GRM5: variants seen among roughly 807,000 people sequenced by gnomAD.
The protein encoded by GRM5 is glutamate metabotropic receptor 5.
A neutral mutation model predicts 83.1 loss-of-function variants in GRM5; 19 were observed. The observed-to-expected ratio is 0.23, with a 90% CI of 0.16 to 0.34. GRM5 has a LOEUF of 0.34. GRM5 is among the 10% of genes least tolerant of loss of function. The pLI is 1.00. For missense variants in GRM5, 1,160 were observed against 1,588.3 expected (o/e 0.73, Z 4.58); for synonymous variants, 675 against 633.6 (o/e 1.07, Z -0.98).
At position 88,595,437 on chromosome 11, in the gene GRM5, C is replaced by A. The variant is rs118035303; in HGVS notation, c.1563+1747G>T. ...TTCCTACCCTCTAGTATGCTCTGTT[C>A]TAATTTTTACTTCTGTGAGATCAAC... On this transcript the variant is annotated intron_variant, in intron 6 of 9. Transcript: ENST00000305447. 9.9e-3 allele frequency among the ~76,000 whole-genome samples: 1,502 copies of A among 152,144 alleles called. 19 individuals carry two copies. Among genetic ancestry groups the A allele is most frequent in the East Asian group, 0.073 (379 of 5,164 alleles).
At chr11:88,589,753 T>C (rs1937607970) in intron 7 of GRM5, among the ~76,000 whole-genome samples, 1 of 152,194 alleles carries the variant, frequency 6.6e-6, no homozygotes, top group Non-Finnish European at 1.5e-5. Flanking sequence ...TGCTCCTATG[T>C]CTATAAATCT....
At chr11:88,985,776 G>A (rs1221007309) in intron 2 of GRM5, among the ~76,000 whole-genome samples, 3 of 152,080 alleles carry the variant, frequency 2.0e-5, no homozygotes, top group African/African-American at 4.8e-5. Flanking sequence ...ATGCAAGTAT[G>A]CACATCAATC....
intron 4 of GRM5, among the ~76,000 whole-genome samples, chr11:88,630,724 A>G (rs937381644): frequency 2.0e-5 from 3 of 151,974 alleles, no homozygotes; most frequent in Non-Finnish European, 4.4e-5. Flanking sequence ...TGTTACAGGC[A>G]TGCACCACCA....
rs571209351 is a variant in GRM5, at chr11:88,820,763, T to C, written c.911+29143A>G. 1.4e-3 allele frequency among the ~76,000 whole-genome samples: 216 copies of C among 152,372 alleles called. 1 individual carries two copies. Among genetic ancestry groups the C allele is most frequent in the Non-Finnish European group, 2.4e-3 (165 of 68,038 alleles). ...TTGTTTTGTTATCATCTCACTTTCC[T>C]CTGTGAAACAGAATGAAGTATTTCT... is the stretch of plus-strand genomic sequence containing the variant. On this transcript the variant is annotated intron_variant, in intron 3 of 9. Coordinates refer to ENST00000305447, the MANE Select transcript of GRM5 (RefSeq NM_001143831.3).
chr11:88,951,176 A>T (rs1179583172), intron 2 of GRM5, among the ~76,000 whole-genome samples: 2 of 152,214 alleles, frequency 1.3e-5, no homozygotes, highest in East Asian at 3.8e-4. Context: ...GCTATGCAGG[A>T]AAAACTGTGC....
intron 1 of GRM5, among the ~76,000 whole-genome samples, chr11:89,052,683 A>T (rs7101540): frequency 0.91 from 138,530 of 152,150 alleles, 63,086 homozygotes; most frequent in East Asian, 0.92. Context: ...AAATTCAGAT[A>T]CAGAATCTTT....
intron 3 of GRM5, among the ~76,000 whole-genome samples, chr11:88,847,741 T>A (rs1007325407): frequency 3.9e-5 from 6 of 151,942 alleles, no homozygotes; most frequent in Admixed American, 3.9e-4. Flanking sequence ...AATGTGGGGA[T>A]AAAAAAAATC....
intron 3 of GRM5, among the ~76,000 whole-genome samples, chr11:88,728,134 A>C (rs10765717): frequency 0.58 from 88,413 of 151,760 alleles, 27,826 homozygotes; most frequent in South Asian, 0.8. Flanking sequence ...TACCCAGACT[A>C]ATAAAAAAGA....
intron 2 of GRM5, among the ~76,000 whole-genome samples, chr11:88,966,124 T>G (rs1938952558): frequency 6.6e-6 from 1 of 152,056 alleles, no homozygotes; most frequent in South Asian, 2.1e-4. Flanking sequence ...ACTTGGAAAT[T>G]AAACAACACA....
rs187447523 is a variant in GRM5, at chr11:88,725,473, A to T, written c.912-72070T>A. ...GTGGGCGCAGCTTCAGCAGACTTAAATGTTCCTGGCTGCCAGCTGTGAATA... is the reference window on the plus strand; with the variant it reads ...GTGGGCGCAGCTTCAGCAGACTTAATTGTTCCTGGCTGCCAGCTGTGAATA... On this transcript the variant is annotated intron_variant, in intron 3 of 9. Transcript: ENST00000305447. 2.8e-3 allele frequency among the ~76,000 whole-genome samples: 433 copies of T among 152,268 alleles called. 1 individual carries two copies. The highest frequency in any genetic ancestry group is 9.9e-3 in the African/African-American group (413 of 41,566).
chr11:88,644,432 T>C (rs1048271809), intron 4 of GRM5, among the ~76,000 whole-genome samples: 2 of 152,200 alleles, frequency 1.3e-5, no homozygotes, highest in African/African-American at 4.8e-5. Flanking sequence ...ATGATAAAGA[T>C]AGCGCCTCTC....
intron 3 of GRM5, among the ~76,000 whole-genome samples, chr11:88,793,831 T>C (rs925450429): frequency 1.3e-5 from 2 of 152,080 alleles, no homozygotes; most frequent in Admixed American, 6.5e-5. Flanking sequence ...TTTGTTCGTT[T>C]GTTTGTTTTT....
chr11:89,046,767 G>C (rs1183960557), intron 2 of GRM5, among the ~76,000 whole-genome samples: 3 of 152,070 alleles, frequency 2.0e-5, no homozygotes, highest in African/African-American at 7.2e-5. Flanking sequence ...ACCTAGGTTA[G>C]AACTGGCTAC....
At chr11:88,655,958 G>C (rs922827888) in intron 3 of GRM5, among the ~76,000 whole-genome samples, 2 of 151,990 alleles carry the variant, frequency 1.3e-5, no homozygotes, top group African/African-American at 4.8e-5. Context: ...GTGCTGTATT[G>C]ACTTTAGCTT....
At chr11:88,769,097 G>C in intron 3 of GRM5, among the ~76,000 whole-genome samples, 1 of 151,948 alleles carries the variant, frequency 6.6e-6, no homozygotes, top group South Asian at 2.1e-4. Context: ...TTCCCATAGG[G>C]ATATGGGGTA....
At chr11:88,913,340 AG>A (rs1217744338) in intron 2 of GRM5, among the ~76,000 whole-genome samples, 1 of 152,122 alleles carries the variant, frequency 6.6e-6, no homozygotes, top group African/African-American at 2.4e-5. Flanking sequence ...TCTGAGCCCA[AG>A]AAGGCAAACT....
rs537201762 is a variant in GRM5 at position 88,577,751 on chromosome 11, G to C, written c.1691-9759C>G. Among the ~76,000 whole-genome samples the C allele has an allele frequency of 9.2e-5, 14 of 152,224 alleles. No individual in the cohort carries two copies. In the East Asian group the frequency reaches 1.3e-3, roughly 15 times the overall value. ...AGACATAGAGAAAAGCAGAAGAAATGTAAAGGAAACAGCCAAAATGCAAAA... is the reference window on the plus strand; with the variant it reads ...AGACATAGAGAAAAGCAGAAGAAATCTAAAGGAAACAGCCAAAATGCAAAA... On this transcript the variant is annotated intron_variant, in intron 7 of 9. Coordinates refer to ENST00000305447, the MANE Select transcript of GRM5 (RefSeq NM_001143831.3).
At chr11:88,901,833 C>T (rs1467700228) in intron 2 of GRM5, among the ~76,000 whole-genome samples, 1 of 152,068 alleles carries the variant, frequency 6.6e-6, no homozygotes, top group Non-Finnish European at 1.5e-5. Context: ...TTGACGATAC[C>T]TTTTCCGAAT....
intron 3 of GRM5, among the ~76,000 whole-genome samples, chr11:88,791,335 T>A (rs1943168547): frequency 6.6e-6 from 1 of 152,168 alleles, no homozygotes; most frequent in Non-Finnish European, 1.5e-5. Flanking sequence ...AATTGTGAGT[T>A]GAAAACATAC....
Sources: gnomAD v4.1 joint callset for allele counts (sites outside exome capture counted in the v4.1 genomes callset) on GRCh38, gnomAD v4.1.1 for gene constraint, MANE v1.5 for transcripts, NCBI Gene and HGNC (gene_info 2026-07-23, HGNC 2026-07-21) for gene names.